TAFA2: variants seen among roughly 807,000 people sequenced by gnomAD.
TAFA2 encodes TAFA chemokine like family member 2, also known as chemokine-like protein TAFA-2.
In TAFA2, 7 loss-of-function variants were observed where a neutral mutation model predicts 18.8. The ratio of observed to expected loss-of-function variants is 0.37; its 90% CI spans 0.21 to 0.70. TAFA2 has a LOEUF of 0.70. Among genes scored for constraint, TAFA2 ranks in the 30% least tolerant of loss-of-function variants. The pLI, the probability that TAFA2 is intolerant of heterozygous loss-of-function variation, is 0.53. For missense variants in TAFA2, 122 were observed against 158.1 expected, an observed-to-expected ratio of 0.77 and a Z score of 1.23; for synonymous variants, 60 against 54.2, an observed-to-expected ratio of 1.11 and a Z score of -0.47.
chr12:61,865,039 A>T (rs1450682493), intron 2 of TAFA2, among the ~76,000 whole-genome samples: 1 of 152,196 alleles, frequency 6.6e-6, no homozygotes, highest in East Asian at 1.9e-4. Flanking sequence ...CAAACATTCC[A>T]TAGATGACTG....
At chr12:61,848,770 T>A (rs1873513720) in intron 2 of TAFA2, among the ~76,000 whole-genome samples, 1 of 150,984 alleles carries the variant, frequency 6.6e-6, no homozygotes. Context: ...TCAGTAAAAT[T>A]AAAAATTTGC....
At chr12:62,068,641 T>A (rs1882552669) in intron 1 of TAFA2, among the ~76,000 whole-genome samples, 1 of 151,966 alleles carries the variant, frequency 6.6e-6, no homozygotes, top group Non-Finnish European at 1.5e-5. Flanking sequence ...CAATGGAAAA[T>A]TTACAAAATA....
chr12:61,994,640 C>T (rs955708542), intron 1 of TAFA2, among the ~76,000 whole-genome samples: 1 of 152,068 alleles, frequency 6.6e-6, no homozygotes, highest in Non-Finnish European at 1.5e-5. Flanking sequence ...TTGTTCTGGT[C>T]AAAGTCACCA....
At chr12:61,851,594 G>A (rs1455675067) in intron 2 of TAFA2, among the ~76,000 whole-genome samples, 2 of 150,904 alleles carry the variant, frequency 1.3e-5, no homozygotes, top group African/African-American at 2.4e-5. Flanking sequence ...GGCTAACACG[G>A]TGAAACCTGT....
At chr12:61,768,719 G>T (rs114788700) in intron 2 of TAFA2, among the ~76,000 whole-genome samples, 3,404 of 152,160 alleles carry the variant, frequency 0.022, 121 homozygotes, top group African/African-American at 0.078. Flanking sequence ...TGTCTCACAG[G>T]GGTCCTTGGG....
chr12:62,078,752 G>A (rs575083731), intron 1 of TAFA2, among the ~76,000 whole-genome samples: 2 of 152,276 alleles, frequency 1.3e-5, no homozygotes, highest in Non-Finnish European at 2.9e-5. Flanking sequence ...AGAGCTGCAA[G>A]CCTATTAAAC....
Position 61,753,661 on chromosome 12 carries a change from T to C in TAFA2, c.345A>G (p.Gly115=). 1 of 1,612,710 alleles carries C rather than the reference T, an allele frequency of 6.2e-7. No individual in the cohort carries two copies. The highest frequency in any genetic ancestry group is 8.5e-7 in the Non-Finnish European group (1 of 1,179,164). Residue 115 remains glycine, a synonymous_variant, in exon 4 of 5, where the codon GGA becomes GGG. Transcript: ENST00000416284. ...EECKVLPDRK[G]WSCSSGNKVK... ...CTTTATTCCCAGAGGAACAGCTCCA[T>C]CCTTTCCGATCCGGAAGAACTTTAC...
At chr12:61,818,521 A>AC (rs1565644767) in intron 2 of TAFA2, among the ~76,000 whole-genome samples, 1 of 151,464 alleles carries the variant, frequency 6.6e-6, no homozygotes, top group East Asian at 1.9e-4. Flanking sequence ...ACACACACAC[A>AC]CACACTAGGA....
At chr12:62,052,909 A>C (rs968339672) in intron 1 of TAFA2, among the ~76,000 whole-genome samples, 2 of 152,230 alleles carry the variant, frequency 1.3e-5, no homozygotes, top group African/African-American at 2.4e-5. Context: ...ATCTTTACTG[A>C]GAAGTCAGTT....
intron 1 of TAFA2, among the ~76,000 whole-genome samples, chr12:62,140,737 T>C (rs931150499): frequency 1.1e-4 from 16 of 152,298 alleles, no homozygotes; most frequent in Admixed American, 1.0e-3. Context: ...TGGTGCCCAG[T>C]TCATACTAGA....
At chr12:61,879,341 GT>G in intron 1 of TAFA2, 1 of 656,322 alleles carries the variant, frequency 1.5e-6, no homozygotes, top group Non-Finnish European at 2.6e-6. Flanking sequence ...TGATCCAGAA[GT>G]CCTACAAGGT....
chr12:61,802,872 T>C (rs1380313986), intron 2 of TAFA2, among the ~76,000 whole-genome samples: 3 of 151,978 alleles, frequency 2.0e-5, no homozygotes, highest in Non-Finnish European at 2.9e-5. Flanking sequence ...TGTGCAATTA[T>C]TATATGGTAA....
intron 1 of TAFA2, among the ~76,000 whole-genome samples, chr12:62,233,064 C>CTTTTT (rs1565784732): frequency 2.6e-5 from 2 of 78,340 alleles, no homozygotes; most frequent in South Asian, 4.5e-4. Context: ...ATTTCTGCAT[C>CTTTTT]TCTTTTTTTT....
At chr12:61,982,475 A>T (rs1421062088) in intron 1 of TAFA2, among the ~76,000 whole-genome samples, 2 of 152,116 alleles carry the variant, frequency 1.3e-5, no homozygotes, top group East Asian at 3.9e-4. Flanking sequence ...ATCCCTGGCC[A>T]GGCACAGTGG....
At chr12:62,032,085 A>G (rs1881474124) in intron 1 of TAFA2, among the ~76,000 whole-genome samples, 1 of 152,240 alleles carries the variant, frequency 6.6e-6, no homozygotes, top group South Asian at 2.1e-4. Flanking sequence ...TGCACTTAAA[A>G]AGCAGTTATT....
chr12:61,739,555 A>C (rs1006212856), intron 4 of TAFA2, among the ~76,000 whole-genome samples: 3 of 152,052 alleles, frequency 2.0e-5, no homozygotes, highest in African/African-American at 7.2e-5. Flanking sequence ...GTTTTACTGA[A>C]TAGGATCTCC....
At position 61,835,065 on chromosome 12, in the gene TAFA2, C is replaced by T. The variant is rs561519623; in HGVS notation, c.106+32255G>A. Among the ~76,000 whole-genome samples, 6 of 151,602 alleles carry T rather than the reference C, an allele frequency of 4.0e-5. No homozygotes were observed. The East Asian group carries it at 9.8e-4, about 25-fold the overall frequency. ...TGCTTTCTGCTCTTCTAACTAAATG[C>T]TAATCAATTTCCACTCATTGCCTGA... is the stretch of plus-strand genomic sequence containing the variant. On this transcript the variant is annotated intron_variant, in intron 2 of 4. Coordinates refer to ENST00000416284, the MANE Select transcript of TAFA2 (RefSeq NM_178539.5).
intron 1 of TAFA2, among the ~76,000 whole-genome samples, chr12:62,187,664 A>G (rs74095716): frequency 0.011 from 1,689 of 152,280 alleles, 34 homozygotes; most frequent in African/African-American, 0.039. Flanking sequence ...CATTGACGAC[A>G]CTGCACTGAA....
chr12:62,099,673 A>C lies in TAFA2; in HGVS notation c.-2+91586T>G, dbSNP rs547977454. Among the ~76,000 whole-genome samples the C allele has an allele frequency of 7.2e-5, 11 of 152,278 alleles. No individual in the cohort carries two copies. The East Asian group carries it at 1.9e-3, about 27-fold the overall frequency. On this transcript the variant is annotated intron_variant, in intron 1 of 4. Transcript: ENST00000416284. ...AATAAATTTTGCCAAGCATATGAGG[A>C]GGCAAATAATACACCAAGAGCCAGC...
Sources: allele counts gnomAD v4.1 joint callset (sites outside exome capture counted in the v4.1 genomes callset), GRCh38; gene constraint gnomAD v4.1.1; transcripts MANE v1.5; gene names NCBI Gene and HGNC (gene_info 2026-07-23, HGNC 2026-07-21).